SFXN1: variants seen among roughly 807,000 people sequenced by gnomAD.
SFXN1 encodes the protein sideroflexin-1.
SFXN1 carries 32 observed loss-of-function variants against 39.5 expected under a neutral mutation model. The observed-to-expected ratio is 0.81, with a 90% confidence interval of 0.61 to 1.09. SFXN1 has a LOEUF of 1.09. Ranked by LOEUF, SFXN1 falls within the 50% of genes least tolerant of loss-of-function variation. SFXN1 has a pLI of 0.00. For missense variants in SFXN1, 402 were observed against 407.1 expected (o/e 0.99, Z 0.11); for synonymous variants, 136 against 146.5 (o/e 0.93, Z 0.52).
At chr5:175,480,457 T>C (rs267346) in intron 1 of SFXN1, among the ~76,000 whole-genome samples, 100,688 of 151,912 alleles carry the variant, frequency 0.66, 33,697 homozygotes, top group African/African-American at 0.71. Flanking sequence ...CATCTCAGCT[T>C]AGTACGTATT....
chr5:175,507,065 CCTCT>C (rs1760334046), intron 2 of SFXN1, among the ~76,000 whole-genome samples: 1 of 152,140 alleles, frequency 6.6e-6, no homozygotes, highest in Admixed American at 6.5e-5. Context: ...GGCCATGCTC[CCTCT>C]AAGAATCCTT....
chr5:175,501,296 C>T lies in SFXN1; in HGVS notation c.165-7736C>T, dbSNP rs532481659. 4.6e-5 allele frequency among the ~76,000 whole-genome samples: 7 copies of T among 152,198 alleles called. No homozygotes were observed. In the South Asian group the frequency reaches 1.2e-3, roughly 27 times the overall value. On this transcript the variant is annotated intron_variant, in intron 2 of 10. Transcript: ENST00000321442. The stretch of plus-strand genomic sequence containing the variant: ...TGTTAGCCAGGATGGTCTCGATCTC[C>T]TGACCTCGTTATCCGCCCGCCTCGG...
intron 8 of SFXN1, among the ~76,000 whole-genome samples, chr5:175,519,773 C>A (rs1027454055): frequency 4.8e-5 from 7 of 146,774 alleles, no homozygotes; most frequent in African/African-American, 1.8e-4. Context: ...TCAGAACTTA[C>A]ATTAAATATG....
chr5:175,486,188 G>A (rs1048338975), intron 1 of SFXN1, among the ~76,000 whole-genome samples: 1 of 146,818 alleles, frequency 6.8e-6, no homozygotes, highest in Non-Finnish European at 1.5e-5. Context: ...GGAAAAAAGT[G>A]GGGGGGCCTC....
intron 2 of SFXN1, among the ~76,000 whole-genome samples, chr5:175,497,365 A>G (rs1331689882): frequency 6.6e-6 from 1 of 152,240 alleles, no homozygotes; most frequent in Admixed American, 6.5e-5. Context: ...GACTGCCAAT[A>G]TATAGTTCTA....
intron 2 of SFXN1, among the ~76,000 whole-genome samples, chr5:175,493,281 AC>A (rs1158341016): frequency 2.6e-5 from 4 of 151,836 alleles, no homozygotes; most frequent in African/African-American, 9.7e-5. Flanking sequence ...AGATGTAAAA[AC>A]CACTCTTACC....
At chr5:175,479,083 G>C (rs900581823) in intron 1 of SFXN1, among the ~76,000 whole-genome samples, 1 of 152,250 alleles carries the variant, frequency 6.6e-6, no homozygotes, top group African/African-American at 2.4e-5. Flanking sequence ...CTGGTGCTGG[G>C]GGTCGGAGGG....
intron 4 of SFXN1, among the ~76,000 whole-genome samples, chr5:175,511,158 G>A (rs183057774): frequency 6.4e-4 from 98 of 152,152 alleles, no homozygotes; most frequent in Non-Finnish European, 1.1e-3. Flanking sequence ...TCCTTCTCAC[G>A]AATACAAAGT....
At chr5:175,507,842 G>T (rs990309025) in intron 2 of SFXN1, among the ~76,000 whole-genome samples, 1 of 152,062 alleles carries the variant, frequency 6.6e-6, no homozygotes, top group Non-Finnish European at 1.5e-5. Flanking sequence ...GCATGGTGGC[G>T]CATGCCTATA....
intron 7 of SFXN1, among the ~76,000 whole-genome samples, chr5:175,515,674 G>A (rs945740571): frequency 2.6e-5 from 4 of 152,178 alleles, no homozygotes; most frequent in Admixed American, 6.5e-5. Context: ...CAGCTAGCAA[G>A]TGGTCTAGCC....
chr5:175,518,740 T>C (rs749536720), intron 8 of SFXN1, among the ~76,000 whole-genome samples: 8 of 152,190 alleles, frequency 5.3e-5, no homozygotes, highest in Non-Finnish European at 1.0e-4. Context: ...GACTATACCA[T>C]ATATAAAAAT....
chr5:175,483,044 A>T (rs1190203852), intron 1 of SFXN1, among the ~76,000 whole-genome samples: 1 of 152,230 alleles, frequency 6.6e-6, no homozygotes. Flanking sequence ...AAATAAAAAG[A>T]CTTTGAGAAA....
chr5:175,501,354 C>T (rs1230543335), intron 2 of SFXN1, among the ~76,000 whole-genome samples: 1 of 152,116 alleles, frequency 6.6e-6, no homozygotes, highest in Non-Finnish European at 1.5e-5. Context: ...AAGTGGGAGC[C>T]ACCGCGCCCG....
chr5:175,513,625 A>G, intron 7 of SFXN1, 35 bp downstream of exon 7: 1 of 1,606,980 alleles, frequency 6.2e-7, no homozygotes, highest in Non-Finnish European at 8.5e-7. Context: ...CCATAAATAC[A>G]GGTTGAACCA....
At chr5:175,486,528 A>G (rs1000008053) in intron 1 of SFXN1, among the ~76,000 whole-genome samples, 3 of 152,204 alleles carry the variant, frequency 2.0e-5, no homozygotes, top group Admixed American at 6.5e-5. Flanking sequence ...TTTGGAGGCC[A>G]GGGTGGGCAG....
intron 6 of SFXN1, among the ~76,000 whole-genome samples, chr5:175,512,570 T>G (rs1373696481): frequency 6.6e-6 from 1 of 152,236 alleles, no homozygotes; most frequent in East Asian, 1.9e-4. Context: ...TTCCTTTTTT[T>G]TCTCCAGAAT....
chr5:175,503,714 G>A (rs1338649841), intron 2 of SFXN1, among the ~76,000 whole-genome samples: 1 of 152,084 alleles, frequency 6.6e-6, no homozygotes, highest in Non-Finnish European at 1.5e-5. Context: ...TAAAGGAAAG[G>A]AACCCTGGCC....
intron 2 of SFXN1, chr5:175,492,495 C>T (rs772830276): frequency 7.7e-6 from 3 of 388,936 alleles, no homozygotes; most frequent in East Asian, 4.7e-5. Flanking sequence ...TGGGAGTCAT[C>T]CCTCTTAGTT....
chr5:175,493,744 C>G (rs943067654), intron 2 of SFXN1, among the ~76,000 whole-genome samples: 1 of 152,128 alleles, frequency 6.6e-6, no homozygotes, highest in Non-Finnish European at 1.5e-5. Context: ...AGAAATTACA[C>G]GTAAGAAAAA....
Sources: gnomAD v4.1 joint callset for allele counts (sites outside exome capture counted in the v4.1 genomes callset) on GRCh38, gnomAD v4.1.1 for gene constraint, MANE v1.5 for transcripts, NCBI Gene and HGNC (gene_info 2026-07-23, HGNC 2026-07-21) for gene names.